The following FGD4 variants were observed in gnomAD, a reference collection of about 807,000 sequenced individuals.
The protein encoded by FGD4 is FYVE, RhoGEF and PH domain-containing protein 4.
A neutral mutation model predicts 102.0 loss-of-function variants in FGD4; 42 were observed. That is an observed-to-expected ratio of 0.41 (90% CI 0.32 to 0.53). The LOEUF (loss-of-function observed/expected upper bound fraction) is 0.53, where lower values mean the gene tolerates loss of function less well. Ranked by LOEUF, FGD4 falls within the 20% of genes least tolerant of loss-of-function variation. FGD4 has a pLI of 0.21. For missense variants in FGD4, 902 were observed against 1,078.2 expected (o/e 0.84, Z 2.29); for synonymous variants, 380 against 375.7 (o/e 1.01, Z -0.13).
intron 1 of FGD4, among the ~76,000 whole-genome samples, chr12:32,533,584 C>A (rs1407690673): frequency 6.6e-6 from 1 of 152,122 alleles, no homozygotes; most frequent in Non-Finnish European, 1.5e-5. Flanking sequence ...TGCCACCACA[C>A]CCGGCTAATT....
chr12:32,414,365 G>A (rs551944526), intron 1 of FGD4, among the ~76,000 whole-genome samples: 6 of 152,104 alleles, frequency 3.9e-5, no homozygotes, highest in African/African-American at 1.4e-4. Flanking sequence ...TTTGATACAG[G>A]CATGCAACGG....
chr12:32,461,769 G>A (rs867148087), intron 1 of FGD4, among the ~76,000 whole-genome samples: 4 of 151,976 alleles, frequency 2.6e-5, no homozygotes, highest in African/African-American at 4.8e-5. Context: ...CTCTGTCGCC[G>A]AGGCTGGAGT....
At chr12:32,536,306 A>C (rs1281831771) in intron 1 of FGD4, among the ~76,000 whole-genome samples, 1 of 152,234 alleles carries the variant, frequency 6.6e-6, no homozygotes, top group Non-Finnish European at 1.5e-5. Context: ...TTTAAATTTA[A>C]TCAGTTCTTC....
In FGD4 at chr12:32,563,328, G is replaced by A. The variant is rs376459648; in HGVS notation, c.167-809G>A. ...CGCTCCTCACCTCCCAGACGGGGTC[G>A]CGGCCGGGCAGGGGCGCTCCTCACA... On this transcript the variant is annotated intron_variant, in intron 1 of 16. Transcript: ENST00000534526. Among the ~76,000 whole-genome samples, 1,092 of 151,364 alleles carry A rather than the reference G, an allele frequency of 7.2e-3. 27 individuals carry two copies. The East Asian group carries it at 0.1, about 14-fold the overall frequency.
At chr12:32,459,963 C>T (rs1449509934) in intron 1 of FGD4, among the ~76,000 whole-genome samples, 3 of 152,040 alleles carry the variant, frequency 2.0e-5, no homozygotes, top group Non-Finnish European at 2.9e-5. Flanking sequence ...ACCTCAGCCT[C>T]CCAAAGTGTT....
At chr12:32,466,797 A>G (rs10844208) in intron 1 of FGD4, among the ~76,000 whole-genome samples, 55,492 of 146,930 alleles carry the variant, frequency 0.38, 11,232 homozygotes, top group South Asian at 0.52. Flanking sequence ...GAAGATGGGA[A>G]TGGGAGGTTG....
intron 2 of FGD4, among the ~76,000 whole-genome samples, chr12:32,565,683 A>AGATATAAGAGT: frequency 6.6e-6 from 1 of 152,124 alleles, no homozygotes; most frequent in Non-Finnish European, 1.5e-5. Context: ...GTCCTTTCTG[A>AGATATAAGAGT]GTTGCATGTG....
At chr12:32,504,600 G>A (rs1938527571) in intron 1 of FGD4, among the ~76,000 whole-genome samples, 1 of 152,194 alleles carries the variant, frequency 6.6e-6, no homozygotes, top group African/African-American at 2.4e-5. Flanking sequence ...CCAACTGTCT[G>A]AGGGCTTGAT....
Position 32,399,817 on chromosome 12 carries a change from C to A in FGD4, c.24C>A (p.Asn8Lys), listed in dbSNP as rs1565717114. ...GGATGAGCGACGAGGGCGGCTCCAA[C>A]TTCAGGCGGGTGGCGATCCGGCGGA... MSDEGGS[N>K]FRRVAIRRKS... is the part of the protein sequence containing the mutation. The change falls in exon 1 of 17, where the codon AAC becomes AAA. Residue 8 changes from asparagine (N) to lysine (K), a missense_variant. Physicochemically the swap from Asn to Lys is moderately conservative, Grantham distance 94. Coordinates refer to ENST00000534526, the MANE Select transcript of FGD4 (RefSeq NM_001370298.3). 6.5e-7 allele frequency: 1 copy of A among 1,531,368 alleles called. No homozygotes were observed. Among genetic ancestry groups the A allele is most frequent in the Non-Finnish European group, 8.7e-7 (1 of 1,145,418 alleles). The allele number at this position is 1,531,368 out of a possible 1,614,324, so 94.9% of individuals were successfully genotyped here.
intron 1 of FGD4, among the ~76,000 whole-genome samples, chr12:32,556,434 C>G (rs1944126730): frequency 6.6e-6 from 1 of 152,192 alleles, no homozygotes; most frequent in African/African-American, 2.4e-5. Flanking sequence ...CCCAGGTCCT[C>G]AAAACCTTCA....
rs1940571890 is a variant in FGD4 at position 32,399,822 on chromosome 12, G to C, written c.29G>C (p.Arg10Thr). The C allele has an allele frequency of 6.5e-7, 1 of 1,531,448 alleles. No homozygotes were observed. The highest frequency in any genetic ancestry group is 1.4e-5 in the African/African-American group (1 of 72,220). The allele number at this position is 1,531,448 out of a possible 1,614,324, so 94.9% of individuals were successfully genotyped here. MSDEGGSNFRRVAIRRKSNP... is the reference protein window; with the variant it reads MSDEGGSNFTRVAIRRKSNP... ...AGCGACGAGGGCGGCTCCAACTTCAGGCGGGTGGCGATCCGGCGGAAGTCC... is the reference window on the plus strand; with the variant it reads ...AGCGACGAGGGCGGCTCCAACTTCACGCGGGTGGCGATCCGGCGGAAGTCC... The change falls in exon 1 of 17, where the codon AGG (arginine) becomes ACG (threonine). Residue 10 changes from arginine (R) to threonine (T), a missense_variant. Physicochemically the swap from Arg to Thr is moderately conservative, Grantham distance 71. Transcript: ENST00000534526.
chr12:32,461,475 T>C (rs1266703505), intron 1 of FGD4, among the ~76,000 whole-genome samples: 2 of 152,160 alleles, frequency 1.3e-5, no homozygotes, highest in Non-Finnish European at 2.9e-5. Flanking sequence ...TTTATTCATC[T>C]TTTTTTCTAC....
intron 15 of FGD4, 72 bp from the exon 16 acceptor site, chr12:32,638,583 A>G: frequency 6.3e-7 from 1 of 1,581,378 alleles, no homozygotes. Flanking sequence ...GTATAAACAC[A>G]TTGTACTTTG....
At chr12:32,615,038 G>A in intron 10 of FGD4, among the ~76,000 whole-genome samples, 1 of 152,082 alleles carries the variant, frequency 6.6e-6, no homozygotes, top group Non-Finnish European at 1.5e-5. Flanking sequence ...GTCCATAACA[G>A]CATTATTCAT....
chr12:32,505,574 T>C (rs1179635967), intron 1 of FGD4, among the ~76,000 whole-genome samples: 1 of 152,254 alleles, frequency 6.6e-6, no homozygotes. Context: ...CAGGTTGATG[T>C]AGATTGTTGG....
At chr12:32,613,375 C>CT (rs1310816742) in intron 10 of FGD4, among the ~76,000 whole-genome samples, 2 of 152,110 alleles carry the variant, frequency 1.3e-5, no homozygotes, top group African/African-American at 2.4e-5. Flanking sequence ...GATTTCAAAG[C>CT]TTTTTTTGCA....
intron 1 of FGD4, among the ~76,000 whole-genome samples, chr12:32,434,219 C>T (rs1381137896): frequency 1.3e-5 from 2 of 152,144 alleles, no homozygotes; most frequent in Non-Finnish European, 2.9e-5. Context: ...CTAAGTTCCT[C>T]ACAGACCCTG....
intron 6 of FGD4, 114 bp from the exon 7 acceptor site, chr12:32,602,047 C>A: frequency 1.1e-6 from 1 of 896,366 alleles, no homozygotes. Flanking sequence ...CCTGGGAGGT[C>A]GAGGTTGCAG....
Position 32,527,761 on chromosome 12 carries a change from C to T in FGD4, c.167-36376C>T, listed in dbSNP as rs545343201. On this transcript the variant is annotated intron_variant, in intron 1 of 16. Coordinates refer to ENST00000534526, the MANE Select transcript of FGD4 (RefSeq NM_001370298.3). ...GTATTTTAATGTAGTAAGTCAACCA[C>T]GGTGAGAGGAAATGCTGAAAGAGAA... Among the ~76,000 whole-genome samples the T allele has an allele frequency of 3.3e-3, 503 of 151,962 alleles. 3 individuals are homozygous for T. Among genetic ancestry groups the T allele is most frequent in the South Asian group, 7.5e-3 (36 of 4,804 alleles).
Sources: allele counts gnomAD v4.1 joint callset (sites outside exome capture counted in the v4.1 genomes callset), GRCh38; gene constraint gnomAD v4.1.1; transcripts MANE v1.5; gene names NCBI Gene and HGNC (gene_info 2026-07-23, HGNC 2026-07-21).